The following KLHL2 variants were observed in gnomAD, a reference collection of about 807,000 sequenced individuals.
The protein encoded by KLHL2 is kelch like family member 2.
Under a neutral mutation model 75.8 loss-of-function variants are expected in KLHL2, and 15 were observed. That is an observed-to-expected ratio of 0.20 (90% CI 0.13 to 0.30). The LOEUF (loss-of-function observed/expected upper bound fraction) is 0.30. Ranked by LOEUF, KLHL2 falls within the 10% of genes least tolerant of loss-of-function variation. The probability of loss-of-function intolerance (pLI) is 1.00; values close to 1 mark genes in which losing one functional copy is unlikely to be tolerated. For synonymous variants in KLHL2, 214 were observed against 251.9 expected (o/e 0.85, Z 1.42); for missense variants, 381 against 741.0 (o/e 0.51, Z 5.64).
intron 5 of KLHL2, 149 bp downstream of exon 5, chr4:165,263,508 A>C: frequency 1.0e-6 from 1 of 966,290 alleles, no homozygotes; most frequent in East Asian, 2.7e-5. Flanking sequence ...ACACTGCATA[A>C]CTGAAGCATA....
intron 13 of KLHL2, among the ~76,000 whole-genome samples, chr4:165,315,914 C>T (rs1184475402): frequency 5.3e-5 from 8 of 152,072 alleles, no homozygotes; most frequent in Non-Finnish European, 8.8e-5. Flanking sequence ...AATTATGACA[C>T]CAAGAGTGGA....
At position 165,311,512 on chromosome 4, in the gene KLHL2, A is replaced by C; in HGVS notation, c.1286A>C (p.His429Pro). 1 of 1,614,064 alleles carries C rather than the reference A, an allele frequency of 6.2e-7. No individual in the cohort carries two copies. Among genetic ancestry groups the C allele is most frequent in the Non-Finnish European group, 8.5e-7 (1 of 1,179,950 alleles). The change falls in exon 11 of 15, where the codon CAT becomes CCT. Residue 429 changes from histidine (H) to proline (P), a missense_variant. His to Pro is a moderately conservative substitution (Grantham distance 77). This residue lies in a region of KLHL2 where 168 missense variants were observed against 370.4 expected (regional missense o/e 0.45). Coordinates refer to ENST00000226725, the MANE Select transcript of KLHL2 (RefSeq NM_007246.4). Reference protein sequence around the residue: ...AYNIKSNEWFHVAPMNTRRSS... With the variant: ...AYNIKSNEWFPVAPMNTRRSS... ...AACATAAAGTCTAATGAGTGGTTTCATGTAGCTCCCATGAATACAAGGAGG... is the reference window on the plus strand; with the variant it reads ...AACATAAAGTCTAATGAGTGGTTTCCTGTAGCTCCCATGAATACAAGGAGG...
chr4:165,299,947 G>C (rs577257479), intron 8 of KLHL2, among the ~76,000 whole-genome samples: 1 of 152,166 alleles, frequency 6.6e-6, no homozygotes, highest in South Asian at 2.1e-4. Context: ...TCTAATTATA[G>C]TAGAAAGCTC....
Position 165,207,778 on chromosome 4 carries a change from G to A in KLHL2, c.-99G>A. ...CGCGGCGCCCCCTCCGGGGCGGATG[G>A]AACGCGGCTCGGCGGGCGGGCAGTG... On this transcript the variant is annotated 5_prime_UTR_variant, in exon 1 of 15. Coordinates refer to ENST00000226725, the MANE Select transcript of KLHL2 (RefSeq NM_007246.4). This position sits in a 1 kb window ranked among gnomAD's most constrained non-coding sequence, Gnocchi z 4.2. 1 of 1,119,876 alleles carries A rather than the reference G, an allele frequency of 8.9e-7. No homozygotes were observed. The highest frequency in any genetic ancestry group is 1.2e-6 in the Non-Finnish European group (1 of 827,314). The allele number at this position is 1,119,876 out of a possible 1,614,324, so 69.4% of individuals were successfully genotyped here. A position where few individuals can be genotyped will look rare whatever the true frequency, so the allele number is the denominator to read the frequency against.
At chr4:165,244,953 C>T (rs917854480) in intron 4 of KLHL2, among the ~76,000 whole-genome samples, 2 of 152,046 alleles carry the variant, frequency 1.3e-5, no homozygotes, top group Admixed American at 1.3e-4. Context: ...CCTGTAATCC[C>T]AGCACTTTGG....
rs564598285 is a variant in KLHL2 at position 165,265,605 on chromosome 4, A to G, written c.544+2246A>G. On this transcript the variant is annotated intron_variant, in intron 5 of 14. Transcript: ENST00000226725. ...ATATATAAAACGTGTACACGAGCAC[A>G]ACGTGATGGTTTCCAGCTTCATCCA... 1.8e-4 allele frequency among the ~76,000 whole-genome samples: 28 copies of G among 152,244 alleles called. No homozygotes were observed. In the South Asian group the frequency reaches 2.3e-3, roughly 12 times the overall value.
intron 9 of KLHL2, 123 bp from the exon 10 acceptor site, chr4:165,310,430 A>G (rs1746070676): frequency 1.3e-6 from 1 of 777,568 alleles, no homozygotes; most frequent in Non-Finnish European, 2.2e-6. Context: ...GATTTATTTA[A>G]TCAGGCTCCT....
chr4:165,283,047 C>G, intron 5 of KLHL2, among the ~76,000 whole-genome samples: 1 of 152,042 alleles, frequency 6.6e-6, no homozygotes, highest in Non-Finnish European at 1.5e-5. Context: ...CTCATGATAC[C>G]TATTCACTAT....
At chr4:165,311,921 C>CTTTTTGGCACTAGGGACTG (rs1447900073) in intron 11 of KLHL2, among the ~76,000 whole-genome samples, 1 of 151,474 alleles carries the variant, frequency 6.6e-6, no homozygotes, top group Non-Finnish European at 1.5e-5. Context: ...AGTCCCCAAC[C>CTTTTTGGCACTAGGGACTG]TTTTTGGCAC....
Position 165,272,979 on chromosome 4 carries a change from G to A in KLHL2, c.544+9620G>A, listed in dbSNP as rs370575634. ...TGAATCTAGCTTTAAAGGATGTACTGCTTTTATACCATGCTTCTGAATCTT... is the reference window on the plus strand; with the variant it reads ...TGAATCTAGCTTTAAAGGATGTACTACTTTTATACCATGCTTCTGAATCTT... On this transcript the variant is annotated intron_variant, in intron 5 of 14. Coordinates refer to ENST00000226725, the MANE Select transcript of KLHL2 (RefSeq NM_007246.4). Among the ~76,000 whole-genome samples the A allele has an allele frequency of 6.6e-5, 10 of 152,222 alleles. No individual in the cohort carries two copies. The South Asian group carries it at 1.2e-3, about 19-fold the overall frequency.
chr4:165,263,001 T>A (rs1741821543), intron 4 of KLHL2, among the ~76,000 whole-genome samples, 196 bp from the exon 5 acceptor site: 1 of 152,168 alleles, frequency 6.6e-6, no homozygotes, highest in Non-Finnish European at 1.5e-5. Flanking sequence ...TTTGAAAGAT[T>A]ACATGGAAAT....
chr4:165,223,995 A>C (rs771795004), intron 2 of KLHL2: 5 of 443,146 alleles, frequency 1.1e-5, no homozygotes, highest in Non-Finnish European at 2.2e-5. Context: ...GCTCACTGCA[A>C]CCTCCGACTC....
intron 6 of KLHL2, 125 bp from the exon 7 acceptor site, chr4:165,297,482 CTT>C (rs1745004909): frequency 3.2e-6 from 2 of 632,912 alleles, no homozygotes; most frequent in Non-Finnish European, 5.8e-6. Context: ...TTTGAAAACA[CTT>C]GAGCTGTGAA....
intron 4 of KLHL2, among the ~76,000 whole-genome samples, chr4:165,242,158 C>T (rs1739867027): frequency 1.3e-5 from 2 of 152,122 alleles, no homozygotes; most frequent in Non-Finnish European, 1.5e-5. Flanking sequence ...CCTATGACTA[C>T]ACTTGTAATT....
chr4:165,313,763 CT>C (rs1746389264), intron 12 of KLHL2, among the ~76,000 whole-genome samples: 1 of 152,046 alleles, frequency 6.6e-6, no homozygotes, highest in Admixed American at 6.6e-5. Flanking sequence ...GACTTTTTCC[CT>C]CCCTGTGTTT....
chr4:165,230,944 A>G (rs988215508), intron 3 of KLHL2, among the ~76,000 whole-genome samples: 3 of 152,232 alleles, frequency 2.0e-5, no homozygotes, highest in African/African-American at 7.2e-5. Flanking sequence ...TTTATAGTGT[A>G]TTACAACTAA....
In KLHL2 at chr4:165,313,127, ACT is replaced by A. The variant is rs1746335887; in HGVS notation, c.1340-108_1340-107del. 3 of 1,061,068 alleles carry A rather than the reference ACT, an allele frequency of 2.8e-6. No homozygotes were observed. In the East Asian group the frequency reaches 8.2e-5, roughly 29 times the overall value. 65.7% of individuals were successfully genotyped at this position (1,061,068 alleles called of 1,614,324 possible). On this transcript the variant is annotated intron_variant, in intron 11 of 14. Coordinates refer to ENST00000226725, the MANE Select transcript of KLHL2 (RefSeq NM_007246.4). ...AAAATCAGCAGCACTTTAAGGGGAA[ACT>A]CTGCTGCCATGAAGGAAAATATATT...
chr4:165,272,587 G>A (rs936119907), intron 5 of KLHL2, among the ~76,000 whole-genome samples: 1 of 152,092 alleles, frequency 6.6e-6, no homozygotes, highest in Non-Finnish European at 1.5e-5. Flanking sequence ...ACTGCTAATG[G>A]GGAGAGGAGG....
At chr4:165,287,149 C>T (rs533485770) in intron 5 of KLHL2, among the ~76,000 whole-genome samples, 21 of 152,222 alleles carry the variant, frequency 1.4e-4, no homozygotes, top group African/African-American at 4.1e-4. Context: ...TTAAACAACT[C>T]GTCTTTTCTA....
Sources: gnomAD v4.1 joint callset for allele counts (sites outside exome capture counted in the v4.1 genomes callset) on GRCh38, gnomAD v4.1.1 for gene constraint, gnomAD v4.1.1 regional missense constraint, Gnocchi (gnomAD v3.1) non-coding constraint, MANE v1.5 for transcripts, NCBI Gene and HGNC (gene_info 2026-07-23, HGNC 2026-07-21) for gene names.